Variants in TRAPPC10 observed in about 807,000 individuals in gnomAD.
The protein encoded by TRAPPC10 is trafficking protein particle complex subunit 10.
TRAPPC10 carries 23 observed loss-of-function variants against 125.5 expected under a neutral mutation model. The observed-to-expected ratio is 0.18, with a 90% CI of 0.13 to 0.26. TRAPPC10 has a LOEUF of 0.26. Ranked by LOEUF, TRAPPC10 falls within the 10% of genes least tolerant of loss-of-function variation. TRAPPC10 has a pLI of 1.00. For synonymous variants in TRAPPC10, 509 were observed against 518.0 expected (o/e 0.98, Z 0.24); for missense variants, 1,123 against 1,308.4 (o/e 0.86, Z 2.19).
chr21:44,040,965 C>G (rs925553806), intron 3 of TRAPPC10, among the ~76,000 whole-genome samples: 1 of 151,998 alleles, frequency 6.6e-6, no homozygotes, highest in African/African-American at 2.4e-5. Context: ...GGTATAAATC[C>G]CACTTAGTCA....
chr21:44,083,184 A>G lies in TRAPPC10; in HGVS notation c.2120A>G (p.Glu707Gly). The change falls in exon 14 of 23, where the codon GAG becomes GGG. Residue 707 changes from glutamate (E) to glycine (G), a missense_variant. Transcript: ENST00000291574. ...GTCCACATGCTCCTGAGAAGGCAGG[A>G]GAGCAGCTCCTCTCTAGAGATGCCC... ...RNVHMLLRRQ[E>G]SSSSLEMPSG... 6.2e-7 allele frequency: 1 copy of G among 1,614,226 alleles called. No homozygotes were observed. The highest frequency in any genetic ancestry group is 2.2e-5 in the East Asian group (1 of 44,882).
chr21:44,080,960 G>C (rs768388924), intron 13 of TRAPPC10, among the ~76,000 whole-genome samples: 1 of 135,394 alleles, frequency 7.4e-6, no homozygotes, highest in Non-Finnish European at 1.6e-5. Flanking sequence ...CTTTTAGTCT[G>C]TTTCAGGAAT....
At chr21:44,078,407 G>C (rs1416911908) in intron 11 of TRAPPC10, among the ~76,000 whole-genome samples, 1 of 141,850 alleles carries the variant, frequency 7.0e-6, no homozygotes, top group Non-Finnish European at 1.5e-5. Flanking sequence ...GGAGATACAA[G>C]CTATAAGGAA....
chr21:44,087,635 G>T lies in TRAPPC10; in HGVS notation c.2540-64G>T, dbSNP rs1216059220. Reference sequence around the variant, plus strand: ...CCTCACTGCTGGGCCATCACCTGCTGTAAGGAAAAGGACAAGTGAAACCGA... The same window carrying T: ...CCTCACTGCTGGGCCATCACCTGCTTTAAGGAAAAGGACAAGTGAAACCGA... On this transcript the variant is annotated intron_variant, in intron 16 of 22. Coordinates refer to ENST00000291574, the MANE Select transcript of TRAPPC10 (RefSeq NM_003274.5). This position sits in a 1 kb window ranked among gnomAD's most constrained non-coding sequence, Gnocchi z 4.6. 2.7e-6 allele frequency: 4 copies of T among 1,478,804 alleles called. No homozygotes were observed. In the African/African-American group the frequency reaches 4.1e-5, roughly 15 times the overall value. The allele number at this position is 1,478,804 out of a possible 1,614,324, so 91.6% of individuals were successfully genotyped here. A position where few individuals can be genotyped will look rare whatever the true frequency, so the allele number is the denominator to read the frequency against.
chr21:44,056,947 A>AT lies in TRAPPC10; in HGVS notation c.678+1065dup, dbSNP rs35545264. 7.9e-4 allele frequency among the ~76,000 whole-genome samples: 118 copies of AT among 150,058 alleles called. 1 individual carries two copies. The highest frequency in any genetic ancestry group is 7.4e-3 in the East Asian group (38 of 5,106). On this transcript the variant is annotated intron_variant, in intron 5 of 22. Transcript: ENST00000291574. ...GTAAGGGCTATATGGAAACTAGATA[A>AT]TTTTTTTTTTTGCAATATTTCTGTA... is the stretch of plus-strand genomic sequence containing the variant.
At position 44,063,494 on chromosome 21, in the gene TRAPPC10, G is replaced by A. The variant is rs1292017961; in HGVS notation, c.791-44G>A. The A allele has an allele frequency of 1.9e-6, 3 of 1,600,234 alleles. No homozygotes were observed. Among genetic ancestry groups the A allele is most frequent in the African/African-American group, 2.7e-5 (2 of 74,712 alleles). ...GCCTGAGCAGGAAGCTCAGGAAGGT[G>A]AAGTACCTGCAATCAGCACCTTTCA... On this transcript the variant is annotated intron_variant, in intron 6 of 22. Transcript: ENST00000291574. The surrounding 1 kb of genome is among the most constrained non-coding windows in gnomAD (Gnocchi z 4.4).
intron 1 of TRAPPC10, among the ~76,000 whole-genome samples, chr21:44,023,465 A>T (rs1289708439): frequency 6.6e-6 from 1 of 152,158 alleles, no homozygotes; most frequent in African/African-American, 2.4e-5. Context: ...GTTACAGTCC[A>T]TTGCATTGTT....
chr21:44,077,165 G>A (rs747159477), intron 10 of TRAPPC10, among the ~76,000 whole-genome samples: 1 of 152,044 alleles, frequency 6.6e-6, no homozygotes, highest in Non-Finnish European at 1.5e-5. Flanking sequence ...TAGATGTTTT[G>A]GATGAGTTTG....
rs1476637073 is a variant in TRAPPC10 at position 44,063,795 on chromosome 21, C to T, written c.1038+10C>T. On this transcript the variant is annotated intron_variant, in intron 7 of 22. Transcript: ENST00000291574. The surrounding 1 kb of genome is among the most constrained non-coding windows in gnomAD (Gnocchi z 4.4). ...ACTGAAGCTCTTAGAAGTGAGTCGG[C>T]TGTTTTCCCAATTTACCCGTTTCTT... The T allele has an allele frequency of 1.1e-5, 17 of 1,607,070 alleles. No individual in the cohort carries two copies. The highest frequency in any genetic ancestry group is 1.4e-5 in the Non-Finnish European group (16 of 1,176,114).
intron 12 of TRAPPC10, 140 bp from the exon 13 acceptor site, chr21:44,079,875 A>G (rs2037558640): frequency 1.9e-6 from 2 of 1,072,722 alleles, no homozygotes; most frequent in Non-Finnish European, 1.3e-6. Flanking sequence ...TTTATAATCT[A>G]ATTTTGAGCC....
intron 11 of TRAPPC10, 66 bp downstream of exon 11, chr21:44,077,850 A>G (rs1471264246): frequency 1.3e-5 from 16 of 1,254,696 alleles, no homozygotes; most frequent in Middle Eastern, 2.1e-4. Context: ...TTTGTTATAT[A>G]TGGAGTTAGT....
chr21:44,053,402 A>G (rs1292211396), intron 4 of TRAPPC10, among the ~76,000 whole-genome samples: 1 of 152,230 alleles, frequency 6.6e-6, no homozygotes, highest in East Asian at 1.9e-4. Flanking sequence ...CACAAACAAT[A>G]AATGCATTTC....
At chr21:44,046,763 C>T (rs964044456) in intron 3 of TRAPPC10, 12 of 443,476 alleles carry the variant, frequency 2.7e-5, no homozygotes, top group Non-Finnish European at 4.2e-5. Context: ...CTGCCTTAGC[C>T]TCCCAAAGTG....
intron 20 of TRAPPC10, 147 bp downstream of exon 20, chr21:44,094,380 C>A: frequency 1.3e-6 from 1 of 790,146 alleles, no homozygotes; most frequent in Non-Finnish European, 2.0e-6. Flanking sequence ...GTAGTTGAAT[C>A]ATTGACTGTC....
At chr21:44,070,507 G>A (rs779248095) in intron 7 of TRAPPC10, among the ~76,000 whole-genome samples, 2 of 152,222 alleles carry the variant, frequency 1.3e-5, no homozygotes, top group South Asian at 2.1e-4. Context: ...GGGCAGAGCG[G>A]AGGCTTGGTC....
At chr21:44,042,120 A>T (rs1232825723) in intron 3 of TRAPPC10, among the ~76,000 whole-genome samples, 2 of 151,950 alleles carry the variant, frequency 1.3e-5, no homozygotes, top group Non-Finnish European at 2.9e-5. Flanking sequence ...TAATGTATTC[A>T]TCTGATTTAT....
At chr21:44,067,747 G>A (rs955725838) in intron 7 of TRAPPC10, among the ~76,000 whole-genome samples, 1 of 152,150 alleles carries the variant, frequency 6.6e-6, no homozygotes, top group African/African-American at 2.4e-5. Flanking sequence ...GATGCCTCAG[G>A]TCAGCTTGGT....
At chr21:44,012,986 T>TC (rs2031334021) in intron 1 of TRAPPC10, among the ~76,000 whole-genome samples, 1 of 152,120 alleles carries the variant, frequency 6.6e-6, no homozygotes, top group African/African-American at 2.4e-5. Flanking sequence ...GGGAAGTCCT[T>TC]GGGGGCTCGC....
intron 12 of TRAPPC10, 129 bp downstream of exon 12, chr21:44,079,833 T>C: frequency 8.9e-7 from 1 of 1,125,454 alleles, no homozygotes; most frequent in Non-Finnish European, 1.3e-6. Context: ...ATATGTATTG[T>C]ATAGAAAATG....
Sources: gnomAD v4.1 joint callset for allele counts (sites outside exome capture counted in the v4.1 genomes callset) on GRCh38, gnomAD v4.1.1 for gene constraint, Gnocchi (gnomAD v3.1) non-coding constraint, MANE v1.5 for transcripts, NCBI Gene and HGNC (gene_info 2026-07-23, HGNC 2026-07-21) for gene names.